VPS35L: variants seen among roughly 807,000 people sequenced by gnomAD.
The protein encoded by VPS35L is VPS35 endosomal protein sorting factor like.
Under a neutral mutation model 133.0 loss-of-function variants are expected in VPS35L, and 83 were observed. The observed-to-expected ratio is 0.62, with a 90% CI of 0.52 to 0.75. The LOEUF is 0.75. VPS35L is among the 30% of genes least tolerant of loss of function. The pLI, the probability that VPS35L is intolerant of heterozygous loss-of-function variation, is 0.00. For synonymous variants in VPS35L, 423 were observed against 449.9 expected (o/e 0.94, Z 0.76); for missense variants, 1,083 against 1,206.8 (o/e 0.90, Z 1.52).
At chr16:19,585,676 A>G (rs777538111) in intron 7 of VPS35L, among the ~76,000 whole-genome samples, 10 of 151,994 alleles carry the variant, frequency 6.6e-5, no homozygotes, top group Non-Finnish European at 1.3e-4. Context: ...AAGTGCTGGG[A>G]TTACAGGTCT....
intron 27 of VPS35L, among the ~76,000 whole-genome samples, chr16:19,672,450 C>T (rs1974908827): frequency 6.6e-6 from 1 of 152,188 alleles, no homozygotes; most frequent in African/African-American, 2.4e-5. Context: ...CTGACAATCA[C>T]TGAATTGTAC....
At chr16:19,688,876 A>G (rs1264754552) in intron 28 of VPS35L, among the ~76,000 whole-genome samples, 1 of 152,222 alleles carries the variant, frequency 6.6e-6, no homozygotes, top group East Asian at 1.9e-4. Flanking sequence ...TAGGGTTTGC[A>G]GCAGGCTGGC....
intron 27 of VPS35L, 56 bp from the exon 28 acceptor site, chr16:19,682,169 T>G: frequency 6.3e-7 from 1 of 1,579,136 alleles, no homozygotes; most frequent in South Asian, 1.1e-5. Flanking sequence ...TGATTTTCTT[T>G]TTCCCTCCCT....
chr16:19,691,340 GT>G lies in VPS35L; in HGVS notation c.2528-10del. ...GGCTTGGGTCTGTCTCACTGTTCTT[GT>G]TTGTTCAACAGTGGACTCCAACGAC... is the stretch of plus-strand genomic sequence containing the variant. On this transcript the variant is annotated splice_polypyrimidine_tract_variant and intron_variant, in intron 28 of 30. Transcript: ENST00000417362. 6.2e-7 allele frequency: 1 copy of G among 1,602,610 alleles called. No individual in the cohort carries two copies. Among genetic ancestry groups the G allele is most frequent in the South Asian group, 1.1e-5 (1 of 90,844 alleles).
intron 7 of VPS35L, among the ~76,000 whole-genome samples, chr16:19,583,136 A>G (rs2151519304): frequency 7.2e-6 from 1 of 138,224 alleles, no homozygotes; most frequent in Admixed American, 6.9e-5. Context: ...ATAAGTGTGT[A>G]ATTCATTGAT....
At chr16:19,630,405 C>G (rs1357034865) in intron 18 of VPS35L, among the ~76,000 whole-genome samples, 1 of 142,748 alleles carries the variant, frequency 7.0e-6, no homozygotes, top group East Asian at 2.1e-4. Context: ...GTGGTCTCGG[C>G]TCACTGCAAG....
intron 28 of VPS35L, among the ~76,000 whole-genome samples, chr16:19,689,221 C>T (rs1282641738): frequency 2.6e-5 from 4 of 151,766 alleles, no homozygotes; most frequent in Non-Finnish European, 5.9e-5. Context: ...TCATGATCCA[C>T]CCGCCTCAGC....
At chr16:19,598,639 C>T (rs1421849726) in intron 8 of VPS35L, among the ~76,000 whole-genome samples, 1 of 151,908 alleles carries the variant, frequency 6.6e-6, no homozygotes, top group East Asian at 1.9e-4. Context: ...TAAAAGTTAG[C>T]CAGGCAAGGT....
At position 19,626,065 on chromosome 16, in the gene VPS35L, A is replaced by G. The variant is rs142263520; in HGVS notation, c.1225-112A>G. 566 of 671,738 alleles carry G rather than the reference A, an allele frequency of 8.4e-4. 2 individuals carry two copies. In the African/African-American group the frequency reaches 8.4e-3, roughly 10 times the overall value. 41.6% of individuals were successfully genotyped at this position (671,738 alleles called of 1,614,324 possible). On this transcript the variant is annotated intron_variant, in intron 14 of 30. Coordinates refer to ENST00000417362, the MANE Select transcript of VPS35L (RefSeq NM_020314.7). ...CCTACCAGACACTGAGAATTATCTT[A>G]ATGGACATGTGGCTACATTCATTTT...
chr16:19,561,918 C>T (rs543914372), intron 1 of VPS35L, among the ~76,000 whole-genome samples: 1 of 152,170 alleles, frequency 6.6e-6, no homozygotes, highest in East Asian at 1.9e-4. Flanking sequence ...TCAGCTTGGC[C>T]AACATGGTGA....
chr16:19,613,395 A>G (rs1315825310), intron 12 of VPS35L, among the ~76,000 whole-genome samples: 1 of 152,240 alleles, frequency 6.6e-6, no homozygotes, highest in Non-Finnish European at 1.5e-5. Flanking sequence ...AAGCAAAAGT[A>G]AGAACTTACT....
chr16:19,586,734 T>C (rs1971877441), intron 7 of VPS35L, among the ~76,000 whole-genome samples: 1 of 152,224 alleles, frequency 6.6e-6, no homozygotes, highest in Non-Finnish European at 1.5e-5. Context: ...CTCAAGGTCA[T>C]GAAGATTTTT....
chr16:19,575,387 G>A (rs2151512003), intron 5 of VPS35L, among the ~76,000 whole-genome samples: 1 of 152,156 alleles, frequency 6.6e-6, no homozygotes, highest in South Asian at 2.1e-4. Context: ...CCAACATGGT[G>A]AAATCTCGTC....
At chr16:19,596,210 A>G (rs765409964) in intron 8 of VPS35L, among the ~76,000 whole-genome samples, 29 of 152,166 alleles carry the variant, frequency 1.9e-4, no homozygotes, top group Non-Finnish European at 3.8e-4. Flanking sequence ...CTGAGGCTCA[A>G]CTAGCTCTCT....
rs1392411709 is a variant in VPS35L at position 19,700,959 on chromosome 16, T to C, written c.*483T>C. The C allele has an allele frequency of 6.5e-6, 1 of 153,736 alleles. No individual in the cohort carries two copies. The highest frequency in any genetic ancestry group is 1.4e-5 in the Non-Finnish European group (1 of 69,114). 9.5% of individuals were successfully genotyped at this position (153,736 alleles called of 1,614,324 possible). ...GTGTTACCTGAACCCCTATGGAGGATTTATAAAAGGCAGAAATAGCACTCC... is the reference window on the plus strand; with the variant it reads ...GTGTTACCTGAACCCCTATGGAGGACTTATAAAAGGCAGAAATAGCACTCC... On this transcript the variant is annotated 3_prime_UTR_variant, in exon 31 of 31. Transcript: ENST00000417362.
At position 19,633,874 on chromosome 16, in the gene VPS35L, G is replaced by A. The variant is rs761275221; in HGVS notation, c.1635+702G>A. On this transcript the variant is annotated intron_variant, in intron 19 of 30. Transcript: ENST00000417362. The surrounding 1 kb of genome is among the most constrained non-coding windows in gnomAD (Gnocchi z 4.1). ...TCCGAGTAGCTGGGACTACAGGGGC[G>A]TGCCACCACGCCTGGCTAATTTTTT... Among the ~76,000 whole-genome samples, 12 of 151,982 alleles carry A rather than the reference G, an allele frequency of 7.9e-5. No individual in the cohort carries two copies. Among genetic ancestry groups the A allele is most frequent in the Non-Finnish European group, 1.2e-4 (8 of 68,004 alleles).
chr16:19,603,692 TCTC>T (rs1972457248), intron 9 of VPS35L, among the ~76,000 whole-genome samples: 1 of 152,182 alleles, frequency 6.6e-6, no homozygotes, highest in South Asian at 2.1e-4. Context: ...GGAAAGGCCT[TCTC>T]CGCTGGCTTG....
Position 19,681,433 on chromosome 16 carries a change from A to C in VPS35L, c.2362-792A>C, listed in dbSNP as rs112825934. 2.9e-3 allele frequency among the ~76,000 whole-genome samples: 436 copies of C among 152,234 alleles called. 2 individuals are homozygous for C. The highest frequency in any genetic ancestry group is 9.9e-3 in the African/African-American group (412 of 41,550). On this transcript the variant is annotated intron_variant, in intron 27 of 30. Coordinates refer to ENST00000417362, the MANE Select transcript of VPS35L (RefSeq NM_020314.7). ...CAATCGTGCTGTTCTCCCCACCTTAATGTGGCTGGGGTAAGGGAAGGGGAC... is the reference window on the plus strand; with the variant it reads ...CAATCGTGCTGTTCTCCCCACCTTACTGTGGCTGGGGTAAGGGAAGGGGAC...
intron 1 of VPS35L, among the ~76,000 whole-genome samples, chr16:19,563,602 G>A (rs944928180): frequency 2.6e-5 from 4 of 152,048 alleles, no homozygotes; most frequent in Non-Finnish European, 4.4e-5. Context: ...TCTGCCTGTC[G>A]TCCTGTTCTT....
Sources: allele counts gnomAD v4.1 joint callset (sites outside exome capture counted in the v4.1 genomes callset), GRCh38; gene constraint gnomAD v4.1.1; non-coding constraint Gnocchi (gnomAD v3.1); transcripts MANE v1.5; gene names NCBI Gene and HGNC (gene_info 2026-07-23, HGNC 2026-07-21).